The following KHDC1L variants were observed in gnomAD, a reference collection of about 807,000 sequenced individuals.
KHDC1L encodes the protein KHDC1-like protein.
Under a neutral mutation model 11.2 loss-of-function variants are expected in KHDC1L, and 5 were observed. The observed-to-expected ratio is 0.45, with a 90% CI of 0.23 to 0.94. The LOEUF (loss-of-function observed/expected upper bound fraction) is 0.94, where lower values mean the gene tolerates loss of function less well. KHDC1L is among the 40% of genes least tolerant of loss of function. The probability of loss-of-function intolerance (pLI) is 0.22; values close to 1 mark genes in which losing one functional copy is unlikely to be tolerated. For missense variants in KHDC1L, 168 were observed against 165.8 expected (o/e 1.01, Z -0.07); for synonymous variants, 66 against 62.7 (o/e 1.05, Z -0.25).
chr6:73,223,604 G>A lies in KHDC1L; in HGVS notation c.*144C>T. On this transcript the variant is annotated 3_prime_UTR_variant, in exon 3 of 3. Coordinates refer to ENST00000370388, the MANE Select transcript of KHDC1L (RefSeq NM_001126063.3). ...TTGCCAATAACACTTCTAACACTCA[G>A]GAGACTTCCCTCAGACACATGCCTA... The A allele has an allele frequency of 1.6e-6, 1 of 639,976 alleles. No homozygotes were observed. The highest frequency in any genetic ancestry group is 2.8e-6 in the Non-Finnish European group (1 of 361,702). 39.6% of individuals were successfully genotyped at this position (639,976 alleles called of 1,614,324 possible).
chr6:73,224,768 T>A (rs1397049058), intron 1 of KHDC1L, among the ~76,000 whole-genome samples: 15 of 46,178 alleles, frequency 3.2e-4, no homozygotes, highest in African/African-American at 1.3e-3. Flanking sequence ...AGAGATTCCA[T>A]ATCAAAAAAA....
chr6:73,224,366 G>A lies in KHDC1L; in HGVS notation c.113-18C>T. The A allele has an allele frequency of 1.3e-6, 2 of 1,535,484 alleles. No individual in the cohort carries two copies. Among genetic ancestry groups the A allele is most frequent in the Non-Finnish European group, 1.8e-6 (2 of 1,136,936 alleles). ...ATCAAGTCCTGTAAGCACAAGAAGTGAGAAGAGAAACTGTCAGCCACCAGT... is the reference window on the plus strand; with the variant it reads ...ATCAAGTCCTGTAAGCACAAGAAGTAAGAAGAGAAACTGTCAGCCACCAGT... On this transcript the variant is annotated intron_variant, in intron 1 of 2. Transcript: ENST00000370388.
chr6:73,224,034 C>T, intron 2 of KHDC1L, 132 bp downstream of exon 2: 1 of 1,181,106 alleles, frequency 8.5e-7, no homozygotes, highest in South Asian at 1.6e-5. Flanking sequence ...CTTCCCTTCC[C>T]AATGGACTCT....
At chr6:73,224,439 TGAAGGTGGGAG>T (rs1199234407) in intron 1 of KHDC1L, 91 bp from the exon 2 acceptor site, 1 of 1,107,540 alleles carries the variant, frequency 9.0e-7, no homozygotes, top group Non-Finnish European at 1.3e-6. Context: ...GTGTGACTCA[TGAAGGTGGGAG>T]GAGAGGGGAA....
chr6:73,223,819 C>T lies in KHDC1L; in HGVS notation c.316G>A (p.Val106Ile), dbSNP rs1296349338. Residue 106 changes from valine to isoleucine, a missense_variant, in exon 3 of 3, where the codon GTC (valine) becomes ATC (isoleucine). Val to Ile is a conservative substitution (Grantham distance 29, BLOSUM62 3). Coordinates refer to ENST00000370388, the MANE Select transcript of KHDC1L (RefSeq NM_001126063.3). ...TCATTGGTCAGGGGCTGGCTTCGGA[C>T]ACGCTCTAGCATCTTCAGACCTGCA... ...HARGLKMLER[V>I]RSQPLTNDDL... The T allele has an allele frequency of 6.9e-6, 11 of 1,601,334 alleles. No individual in the cohort carries two copies. The highest frequency in any genetic ancestry group is 8.5e-6 in the Non-Finnish European group (10 of 1,173,982).
rs771993516 is a variant in KHDC1L, at chr6:73,225,394, C to G, written c.15G>C (p.Thr5=). 7 of 1,613,636 alleles carry G rather than the reference C, an allele frequency of 4.3e-6. No individual in the cohort carries two copies. Among genetic ancestry groups the G allele is most frequent in the African/African-American group, 1.3e-5 (1 of 75,038 alleles). The change falls in exon 1 of 3, where the codon ACG becomes ACC. Residue 5 remains threonine, a synonymous_variant. Transcript: ENST00000370388. MAVG[T]SALSKEPWWT... ...ACCACGGCTCCTTGCTGAGAGCACT[C>G]GTTCCCACGGCCATGCTGTGCTCCC...
chr6:73,225,197 G>A, intron 1 of KHDC1L, 100 bp downstream of exon 1: 18 of 1,071,162 alleles, frequency 1.7e-5, no homozygotes, highest in Non-Finnish European at 2.4e-5. Context: ...AACCCAAAAG[G>A]CAGACGTTGC....
intron 2 of KHDC1L, 145 bp from the exon 3 acceptor site, chr6:73,223,984 C>G (rs1766310844): frequency 2.1e-6 from 2 of 970,220 alleles, no homozygotes; most frequent in Non-Finnish European, 3.1e-6. Flanking sequence ...TCCCTGCTAC[C>G]CTCTCCTCCC....
chr6:73,225,143 T>C (rs1249641488), intron 1 of KHDC1L, among the ~76,000 whole-genome samples, 154 bp downstream of exon 1: 3 of 150,832 alleles, frequency 2.0e-5, no homozygotes, highest in African/African-American at 7.3e-5. Flanking sequence ...GGCAGGCGCC[T>C]GTAATCCCAG....
rs777635374 is a variant in KHDC1L at position 73,225,367 on chromosome 6, C to G, written c.42G>C (p.Trp14Cys). The G allele has an allele frequency of 3.1e-6, 5 of 1,613,998 alleles. No individual in the cohort carries two copies. Among genetic ancestry groups the G allele is most frequent in the Non-Finnish European group, 4.2e-6 (5 of 1,179,980 alleles). ...GAGAATGAAAGTTTTCGGGCAGGGT[C>G]CACCACGGCTCCTTGCTGAGAGCAC... ...GTSALSKEPW[W>C]TLPENFHSPM... Residue 14 changes from tryptophan (W) to cysteine (C), a missense_variant, in exon 1 of 3, where the codon TGG (tryptophan) becomes TGC (cysteine). By Grantham distance (215) the Trp-to-Cys change is radical (BLOSUM62 -2). Coordinates refer to ENST00000370388, the MANE Select transcript of KHDC1L (RefSeq NM_001126063.3).
At position 73,223,769 on chromosome 6, in the gene KHDC1L, C is replaced by T. The variant is rs146490159; in HGVS notation, c.366G>A (p.Leu122=). ...TNDDLVTSVS[L]PPYTGD ...GAGATCAGTCTCCGGTGTACGGTGGCAGGCTAACGGAGGTGACCAGGTCAT... is the reference window on the plus strand; with the variant it reads ...GAGATCAGTCTCCGGTGTACGGTGGTAGGCTAACGGAGGTGACCAGGTCAT... Residue 122 remains leucine (L), a synonymous_variant, in exon 3 of 3, where the codon CTG becomes CTA. Coordinates refer to ENST00000370388, the MANE Select transcript of KHDC1L (RefSeq NM_001126063.3). 180 of 1,607,392 alleles carry T rather than the reference C, an allele frequency of 1.1e-4. No homozygotes were observed. In the East Asian group the frequency reaches 4.0e-3, roughly 36 times the overall value.
intron 1 of KHDC1L, among the ~76,000 whole-genome samples, chr6:73,224,897 C>T (rs1321640108): frequency 3.0e-4 from 44 of 147,148 alleles, no homozygotes; most frequent in Admixed American, 1.6e-3. Context: ...CTGGCTAACA[C>T]GGTGAAACCC....
Position 73,223,732 on chromosome 6 carries a change from C to G in KHDC1L, c.*16G>C. ...AAGCCAAGACTTCTCCTCTCATCCC[C>G]TCTTCCCAGGGGAGATCAGTCTCCG... On this transcript the variant is annotated 3_prime_UTR_variant, in exon 3 of 3. Coordinates refer to ENST00000370388, the MANE Select transcript of KHDC1L (RefSeq NM_001126063.3). 6.3e-7 allele frequency: 1 copy of G among 1,589,914 alleles called. No homozygotes were observed. Among genetic ancestry groups the G allele is most frequent in the Non-Finnish European group, 8.6e-7 (1 of 1,166,364 alleles).
At chr6:73,224,785 A>C (rs1483299481) in intron 1 of KHDC1L, among the ~76,000 whole-genome samples, 39 of 146,004 alleles carry the variant, frequency 2.7e-4, no homozygotes, top group East Asian at 2.0e-4. Flanking sequence ...AAAAAAAAAA[A>C]AAAAAAAAAC....
Position 73,223,859 on chromosome 6 carries a change from A to G in KHDC1L, c.296-20T>C. On this transcript the variant is annotated intron_variant, in intron 2 of 2. Coordinates refer to ENST00000370388, the MANE Select transcript of KHDC1L (RefSeq NM_001126063.3). ...TCAGACCTGCAAAAGAATTGCCTGG[A>G]GCTGAAGAACCAGAGTCCCATTACT... The G allele has an allele frequency of 1.3e-6, 2 of 1,558,394 alleles. No individual in the cohort carries two copies. Among genetic ancestry groups the G allele is most frequent in the Non-Finnish European group, 1.7e-6 (2 of 1,147,838 alleles).
At position 73,224,218 on chromosome 6, in the gene KHDC1L, C is replaced by A; in HGVS notation, c.243G>T (p.Leu81=). The change falls in exon 2 of 3, where the codon CTG becomes CTT. Residue 81 remains leucine, a synonymous_variant. Transcript: ENST00000370388. ...VVGPPMAKQW[L]LLMFHCVGSQ... is the part of the protein sequence containing the mutation. ...TCCCCACGCAATGGAACATGAGCAG[C>A]AGCCACTGCTTTGCCATTGGTGGTC... 6.3e-7 allele frequency: 1 copy of A among 1,576,302 alleles called. No homozygotes were observed. The highest frequency in any genetic ancestry group is 8.6e-7 in the Non-Finnish European group (1 of 1,160,278).
At chr6:73,224,794 A>C (rs1259617507) in intron 1 of KHDC1L, among the ~76,000 whole-genome samples, 1 of 131,554 alleles carries the variant, frequency 7.6e-6, no homozygotes, top group Non-Finnish European at 1.6e-5. Flanking sequence ...AAAAAAAAAA[A>C]CACGAGGCCG....
intron 1 of KHDC1L, among the ~76,000 whole-genome samples, chr6:73,224,925 C>T (rs1202786155): frequency 7.3e-6 from 1 of 137,482 alleles, no homozygotes; most frequent in Non-Finnish European, 1.6e-5. Context: ...ACTAAAAATA[C>T]AAAAAAAATT....
At position 73,225,472 on chromosome 6, in the gene KHDC1L, A is replaced by G; in HGVS notation, c.-64T>C. 8.2e-7 allele frequency: 1 copy of G among 1,223,490 alleles called. No homozygotes were observed. The highest frequency in any genetic ancestry group is 1.2e-6 in the Non-Finnish European group (1 of 835,304). 75.8% of individuals were successfully genotyped at this position (1,223,490 alleles called of 1,614,324 possible). On this transcript the variant is annotated 5_prime_UTR_variant, in exon 1 of 3. Coordinates refer to ENST00000370388, the MANE Select transcript of KHDC1L (RefSeq NM_001126063.3). ...ACAAACTGGTTGGCAAAAGACTTGG[A>G]AAAGCGAGGAAGGGCCTAGGCTCTG... is the stretch of plus-strand genomic sequence containing the variant.
Sources: allele counts gnomAD v4.1 joint callset (sites outside exome capture counted in the v4.1 genomes callset), GRCh38; gene constraint gnomAD v4.1.1; transcripts MANE v1.5; gene names NCBI Gene and HGNC (gene_info 2026-07-23, HGNC 2026-07-21).